Variants in NDUFS2 observed in about 807,000 individuals in gnomAD.
NDUFS2 encodes the protein NADH:ubiquinone oxidoreductase core subunit S2.
NDUFS2 carries 38 observed loss-of-function variants against 69.6 expected under a neutral mutation model. The observed-to-expected ratio is 0.55, with a 90% confidence interval of 0.42 to 0.72. The LOEUF (loss-of-function observed/expected upper bound fraction) is 0.72. Among genes scored for constraint, NDUFS2 ranks in the 30% least tolerant of loss-of-function variants. NDUFS2 has a pLI of 0.00. For synonymous variants in NDUFS2, 194 were observed against 211.2 expected (o/e 0.92, Z 0.70); for missense variants, 468 against 595.0 (o/e 0.79, Z 2.22).
At chr1:161,198,370 C>G, upstream of NDUFS2, 1 of 1,613,036 alleles carries the variant, frequency 6.2e-7, no homozygotes, top group Non-Finnish European at 8.5e-7. The surrounding 1 kb of genome is among the most constrained non-coding windows in gnomAD (Gnocchi z 4.7). Flanking sequence ...CCCCAAAGGC[C>G]TGCAAGCGGC....
intron 13 of NDUFS2, 55 bp downstream of exon 13, chr1:161,213,976 C>G: frequency 6.2e-7 from 1 of 1,613,976 alleles, no homozygotes. Context: ...TCGGGACGCC[C>G]ACTGGGGACA....
At chr1:161,213,501 A>G in intron 11 of NDUFS2, 26 bp downstream of exon 11, 1 of 1,585,912 alleles carries the variant, frequency 6.3e-7, no homozygotes, top group Non-Finnish European at 8.7e-7. Flanking sequence ...GAAGGAAAAG[A>G]CCATATGTAG....
chr1:161,212,301 A>G (rs925372641), intron 9 of NDUFS2, 50 bp from the exon 10 acceptor site: 3 of 1,611,480 alleles, frequency 1.9e-6, no homozygotes, highest in Admixed American at 1.7e-5. Context: ...TCCTAGCCCC[A>G]TACCTGCTCC....
rs191955041 is a variant in NDUFS2, at chr1:161,214,301, A to T, written c.*108A>T. 9.5e-4 allele frequency: 609 copies of T among 643,476 alleles called. 4 individuals are homozygous for T. The African/African-American group carries it at 0.012, about 13-fold the overall frequency. The allele number at this position is 643,476 out of a possible 1,614,324, so 39.9% of individuals were successfully genotyped here. A position where few individuals can be genotyped will look rare whatever the true frequency, so the allele number is the denominator to read the frequency against. ...TGTGTGTGTGTGTGTGTGTGTGTGT[A>T]TGTTCATGTACACTTGGCTGTCAGG... On this transcript the variant is annotated 3_prime_UTR_variant, in exon 14 of 14. Transcript: ENST00000676972.
At chr1:161,206,681 T>C (rs1665487110) in intron 3 of NDUFS2, 84 bp downstream of exon 3, 1 of 1,435,148 alleles carries the variant, frequency 7.0e-7, no homozygotes, top group Non-Finnish European at 9.6e-7. Context: ...CCTTAAAACG[T>C]GAGGGGAGGA....
At chr1:161,198,378 G>A (rs373458115), upstream of NDUFS2, 37 of 1,612,456 alleles carry the variant, frequency 2.3e-5, no homozygotes, top group East Asian at 1.6e-4. The surrounding 1 kb of genome is among the most constrained non-coding windows in gnomAD (Gnocchi z 4.7). Flanking sequence ...GCCTGCAAGC[G>A]GCACAACAGC....
intron 9 of NDUFS2, among the ~76,000 whole-genome samples, chr1:161,211,301 C>G (rs12145039): frequency 6.6e-6 from 1 of 152,162 alleles, no homozygotes; most frequent in African/African-American, 2.4e-5. Flanking sequence ...CAGGAGTGGT[C>G]GAGACTAGAA....
rs762996524 is a variant in NDUFS2, at chr1:161,206,533, A to T, written c.329A>T (p.Asp110Val). The T allele has an allele frequency of 1.2e-4, 194 of 1,614,064 alleles. No homozygotes were observed. The highest frequency in any genetic ancestry group is 1.6e-4 in the Non-Finnish European group (190 of 1,180,046). Residue 110 changes from aspartate to valine, a missense_variant, in exon 3 of 14, where the codon GAT becomes GTT. By Grantham distance (152) the Asp-to-Val change is radical. This residue lies in a region of NDUFS2 where 339 missense variants were observed against 433.8 expected (regional missense o/e 0.78). Transcript: ENST00000676972. ...AGTGGGGAGATGGTGCGGAAGTGTG[A>T]TCCTCACATCGGGCTCCTGCACCGA... The part of the protein sequence containing the change: ...ELSGEMVRKC[D>V]PHIGLLHRGT...
chr1:161,204,118 C>T (rs1665326753), intron 2 of NDUFS2, among the ~76,000 whole-genome samples: 1 of 152,218 alleles, frequency 6.6e-6, no homozygotes, highest in African/African-American at 2.4e-5. Context: ...TTAATGCCAG[C>T]TTTTCCCATG....
upstream of NDUFS2, chr1:161,198,636 T>C: frequency 6.7e-7 from 1 of 1,497,744 alleles, no homozygotes. This position sits in a 1 kb window ranked among gnomAD's most constrained non-coding sequence, Gnocchi z 4.7. Context: ...ATGGCACTGG[T>C]ACTGCAGCTG....
At chr1:161,207,472 C>T (rs1361973874) in intron 3 of NDUFS2, among the ~76,000 whole-genome samples, 1 of 152,124 alleles carries the variant, frequency 6.6e-6, no homozygotes, top group African/African-American at 2.4e-5. Context: ...CCTTAAATAC[C>T]TCACTCTGGC....
intron 2 of NDUFS2, among the ~76,000 whole-genome samples, chr1:161,204,915 G>T (rs2102033999): frequency 6.6e-6 from 1 of 152,252 alleles, no homozygotes; most frequent in East Asian, 1.9e-4. Flanking sequence ...GCCAGGCGTG[G>T]TGGCACGCAC....
At chr1:161,212,243 G>A (rs1665811434) in intron 9 of NDUFS2, 108 bp from the exon 10 acceptor site, 1 of 1,373,386 alleles carries the variant, frequency 7.3e-7, no homozygotes, top group Non-Finnish European at 1.0e-6. Context: ...GGAGAAAAGA[G>A]TGGGGAGAGT....
chr1:161,214,010 C>T (rs1191131556), intron 13 of NDUFS2, 89 bp downstream of exon 13: 1 of 1,613,496 alleles, frequency 6.2e-7, no homozygotes, highest in Non-Finnish European at 8.5e-7. Context: ...TCCTGTTCAC[C>T]ATAGGCCATG....
intron 3 of NDUFS2, 31 bp downstream of exon 3, chr1:161,206,628 G>C (rs1299602380): frequency 6.2e-7 from 1 of 1,609,400 alleles, no homozygotes; most frequent in East Asian, 2.2e-5. Context: ...CCTTTTGGCG[G>C]GATCTGGGGT....
chr1:161,213,045 C>T (rs1665860107), intron 10 of NDUFS2: 3 of 346,466 alleles, frequency 8.7e-6, no homozygotes, highest in South Asian at 2.3e-5. Flanking sequence ...GCTGGGATTA[C>T]AGGCACCCAC....
chr1:161,207,976 ATTTTTTTTT>A (rs965466967), intron 3 of NDUFS2, among the ~76,000 whole-genome samples: 17 of 88,782 alleles, frequency 1.9e-4, no homozygotes, highest in Non-Finnish European at 2.7e-4. Flanking sequence ...TGCCTGGCTA[ATTTTTTTTT>A]TTTTTTTTTT....
Position 161,213,885 on chromosome 1 carries a change from A to C in NDUFS2, c.1318A>C (p.Lys440Gln). The change falls in exon 13 of 14, where the codon AAG becomes CAG. Residue 440 changes from lysine (K) to glutamine (Q), a missense_variant. Transcript: ENST00000676972. ...CTAGGCTGGTTTGGACAAGATGTCT[A>C]AGGGACACATGTTGGCAGATGTCGT... The part of the protein sequence containing the change: ...AHLAGLDKMS[K>Q]GHMLADVVAI... The C allele has an allele frequency of 6.2e-7, 1 of 1,614,210 alleles. No homozygotes were observed. Among genetic ancestry groups the C allele is most frequent in the South Asian group, 1.1e-5 (1 of 91,088 alleles).
At position 161,212,455 on chromosome 1, in the gene NDUFS2, C is replaced by T. The variant is rs752734343; in HGVS notation, c.1091C>T (p.Ser364Phe). 6.2e-7 allele frequency: 1 copy of T among 1,613,716 alleles called. No homozygotes were observed. The highest frequency in any genetic ancestry group is 1.7e-5 in the Admixed American group (1 of 60,020). The change falls in exon 10 of 14, where the codon TCT (serine) becomes TTT (phenylalanine). Residue 364 changes from serine to phenylalanine, a missense_variant. By Grantham distance (155) the Ser-to-Phe change is radical. Transcript: ENST00000676972. ...GEIKVDDAKV[S>F]PPKRAEMKTS... is the part of the protein sequence containing the mutation. ...ATCAAGGTTGATGATGCCAAAGTGT[C>T]TCCACCTAAGCGAGCAGAGATGAAG...
Sources: allele counts gnomAD v4.1 joint callset (sites outside exome capture counted in the v4.1 genomes callset), GRCh38; gene constraint gnomAD v4.1.1; regional missense constraint gnomAD v4.1.1; non-coding constraint Gnocchi (gnomAD v3.1); transcripts MANE v1.5; gene names NCBI Gene and HGNC (gene_info 2026-07-23, HGNC 2026-07-21).